Variants in PHACTR1 observed in about 807,000 individuals in gnomAD.
The protein encoded by PHACTR1 is phosphatase and actin regulator 1, also known as RPEL repeat containing 1.
PHACTR1 carries 16 observed loss-of-function variants against 69.2 expected under a neutral mutation model. That is an observed-to-expected ratio of 0.23 (90% CI 0.16 to 0.35). The LOEUF is 0.35. Among genes scored for constraint, PHACTR1 ranks in the 10% least tolerant of loss-of-function variants. The pLI, the probability that PHACTR1 is intolerant of heterozygous loss-of-function variation, is 1.00. For missense variants in PHACTR1, 510 were observed against 734.7 expected, an observed-to-expected ratio of 0.69 and a Z score of 3.54; for synonymous variants, 312 against 284.5, an observed-to-expected ratio of 1.10 and a Z score of -0.97.
At position 12,800,617 on chromosome 6, in the gene PHACTR1, G is replaced by A. The variant is rs932190601; in HGVS notation, c.250+50827G>A. Reference sequence around the variant, plus strand: ...TTTGGAAGTTGAAGCCAGGTGCCGTGCCTCATACCTGTAATCCCAGTACTA... The same window carrying A: ...TTTGGAAGTTGAAGCCAGGTGCCGTACCTCATACCTGTAATCCCAGTACTA... On this transcript the variant is annotated intron_variant, in intron 4 of 14. Transcript: ENST00000332995. Among the ~76,000 whole-genome samples, 3 of 152,160 alleles carry A rather than the reference G, an allele frequency of 2.0e-5. No individual in the cohort carries two copies. In the South Asian group the frequency reaches 6.2e-4, roughly 32 times the overall value.
At chr6:12,954,253 A>G (rs9918315) in intron 4 of PHACTR1, among the ~76,000 whole-genome samples, 2,228 of 152,154 alleles carry the variant, frequency 0.015, 48 homozygotes, top group African/African-American at 0.05. Context: ...TCCCAGGGCC[A>G]CTTTATGATT....
chr6:12,978,740 G>A (rs192927786), intron 4 of PHACTR1, among the ~76,000 whole-genome samples: 1 of 152,218 alleles, frequency 6.6e-6, no homozygotes, highest in Non-Finnish European at 1.5e-5. Context: ...GTTGCATGGG[G>A]TCGACTTCAT....
At chr6:12,930,990 C>G (rs895377985) in intron 4 of PHACTR1, among the ~76,000 whole-genome samples, 57 of 71,050 alleles carry the variant, frequency 8.0e-4, no homozygotes, top group Admixed American at 6.4e-3. Context: ...GAAACAAGAG[C>G]AAAACTCTGT....
chr6:12,958,565 A>G (rs945590857), intron 4 of PHACTR1, among the ~76,000 whole-genome samples: 7 of 152,236 alleles, frequency 4.6e-5, no homozygotes, highest in Non-Finnish European at 8.8e-5. Context: ...ATAGAAATCA[A>G]TACGGGAACT....
chr6:12,916,289 G>A (rs1026865709), intron 4 of PHACTR1, among the ~76,000 whole-genome samples: 1 of 152,122 alleles, frequency 6.6e-6, no homozygotes, highest in African/African-American at 2.4e-5. Context: ...ACAAAACCCT[G>A]AATTTCCACA....
At chr6:12,857,340 G>T (rs978001367) in intron 4 of PHACTR1, among the ~76,000 whole-genome samples, 4 of 152,148 alleles carry the variant, frequency 2.6e-5, no homozygotes, top group Non-Finnish European at 5.9e-5. Context: ...CGTCAGGCGC[G>T]GTGGTTCATG....
chr6:12,902,709 A>G (rs1046730815), intron 4 of PHACTR1, among the ~76,000 whole-genome samples: 1 of 152,224 alleles, frequency 6.6e-6, no homozygotes, highest in African/African-American at 2.4e-5. Context: ...CCATCAATCA[A>G]CTGGATGATG....
chr6:13,204,248 T>G (rs1209177157), intron 7 of PHACTR1, among the ~76,000 whole-genome samples: 1 of 152,116 alleles, frequency 6.6e-6, no homozygotes, highest in Non-Finnish European at 1.5e-5. Flanking sequence ...TAATCAGATT[T>G]GTGCTCTAGG....
intron 3 of PHACTR1, among the ~76,000 whole-genome samples, chr6:12,739,403 A>G (rs1259006483): frequency 3.3e-5 from 5 of 152,222 alleles, no homozygotes; most frequent in Admixed American, 1.3e-4. Flanking sequence ...TCATCAATAC[A>G]TTATTTTAAT....
At chr6:12,719,963 G>T (rs1413700224) in intron 3 of PHACTR1, among the ~76,000 whole-genome samples, 2 of 152,226 alleles carry the variant, frequency 1.3e-5, no homozygotes, top group Non-Finnish European at 2.9e-5. Context: ...GTGCTCAACA[G>T]CAGAGCTGAA....
intron 6 of PHACTR1, among the ~76,000 whole-genome samples, chr6:13,170,913 T>C (rs1760512692): frequency 6.6e-6 from 1 of 152,200 alleles, no homozygotes; most frequent in South Asian, 2.1e-4. Flanking sequence ...GTGATCCTCC[T>C]AGAGTCTCTG....
At chr6:13,014,515 T>A (rs1159055558) in intron 4 of PHACTR1, among the ~76,000 whole-genome samples, 1 of 152,192 alleles carries the variant, frequency 6.6e-6, no homozygotes, top group Non-Finnish European at 1.5e-5. Context: ...CCTCCTATTA[T>A]GATGGGATAC....
intron 4 of PHACTR1, among the ~76,000 whole-genome samples, chr6:12,900,018 T>C (rs1183813830): frequency 6.6e-6 from 1 of 152,202 alleles, no homozygotes; most frequent in Non-Finnish European, 1.5e-5. Context: ...CTCTGTCTAG[T>C]GGACCCTCCC....
intron 4 of PHACTR1, among the ~76,000 whole-genome samples, chr6:12,776,527 A>G (rs1770084664): frequency 6.6e-6 from 1 of 152,178 alleles, no homozygotes; most frequent in Admixed American, 6.5e-5. Context: ...AGCCATTGTC[A>G]TTGGGCAGAT....
Position 12,845,649 on chromosome 6 carries a change from T to TAAAA in PHACTR1, c.250+95861_250+95862insAAAA, listed in dbSNP as rs1439640730. On this transcript the variant is annotated intron_variant, in intron 4 of 14. Coordinates refer to ENST00000332995, the MANE Select transcript of PHACTR1 (RefSeq NM_030948.6). The stretch of plus-strand genomic sequence containing the variant: ...CTCCGAAAGGAAGATAGACTGAGGT[T>TAAAA]AATGCATCTCTTTAGTTTGCTTCCT... Among the ~76,000 whole-genome samples the TAAAA allele has an allele frequency of 2.0e-5, 3 of 152,164 alleles. No homozygotes were observed. In the East Asian group the frequency reaches 5.8e-4, roughly 29 times the overall value.
At chr6:13,070,230 T>C (rs1043364391) in intron 5 of PHACTR1, among the ~76,000 whole-genome samples, 2 of 152,200 alleles carry the variant, frequency 1.3e-5, no homozygotes, top group Non-Finnish European at 2.9e-5. Context: ...AATCTAGATA[T>C]GCATTGGTGT....
At chr6:13,158,943 G>T (rs939977241) in intron 5 of PHACTR1, among the ~76,000 whole-genome samples, 2 of 152,210 alleles carry the variant, frequency 1.3e-5, no homozygotes, top group Non-Finnish European at 2.9e-5. Flanking sequence ...ATTTTCCCCT[G>T]AATATGTTTT....
chr6:12,863,284 C>A (rs541825049), intron 4 of PHACTR1, among the ~76,000 whole-genome samples: 3 of 152,310 alleles, frequency 2.0e-5, no homozygotes, highest in African/African-American at 7.2e-5. Context: ...CCCTTGAGGG[C>A]CCTCTTCCTG....
intron 4 of PHACTR1, among the ~76,000 whole-genome samples, chr6:12,885,855 G>A (rs1364714018): frequency 6.6e-6 from 1 of 152,208 alleles, no homozygotes; most frequent in Non-Finnish European, 1.5e-5. Context: ...GGCACTTTGG[G>A]AGGCCGAGGC....
Sources: allele counts gnomAD v4.1 joint callset (sites outside exome capture counted in the v4.1 genomes callset), GRCh38; gene constraint gnomAD v4.1.1; transcripts MANE v1.5; gene names NCBI Gene and HGNC (gene_info 2026-07-23, HGNC 2026-07-21).